Variants in NRXN3 observed in about 807,000 individuals in gnomAD.
NRXN3 encodes the protein neurexin III.
A neutral mutation model predicts 137.6 loss-of-function variants in NRXN3; 32 were observed. The ratio of observed to expected loss-of-function variants is 0.23; its 90% CI spans 0.18 to 0.31. NRXN3 has a LOEUF of 0.31. Ranked by LOEUF, NRXN3 falls within the 10% of genes least tolerant of loss-of-function variation. NRXN3 has a pLI of 1.00. For missense variants in NRXN3, 1,574 were observed against 2,062.5 expected (o/e 0.76, Z 4.59); for synonymous variants, 798 against 784.5 (o/e 1.02, Z -0.29).
intron 4 of NRXN3, among the ~76,000 whole-genome samples, chr14:78,445,658 A>C (rs1195359851): frequency 6.6e-6 from 1 of 152,224 alleles, no homozygotes; most frequent in Non-Finnish European, 1.5e-5. Context: ...CAAGTCCCTC[A>C]ACAGACTGTG....
intron 8 of NRXN3, among the ~76,000 whole-genome samples, chr14:78,719,817 G>A (rs2098451367): frequency 6.6e-6 from 1 of 152,104 alleles, no homozygotes; most frequent in Admixed American, 6.5e-5. Context: ...ACTCCAGCCT[G>A]GGTGACAGAG....
At chr14:78,441,845 C>T (rs1961524402) in intron 4 of NRXN3, among the ~76,000 whole-genome samples, 1 of 152,000 alleles carries the variant, frequency 6.6e-6, no homozygotes, top group South Asian at 2.1e-4. Flanking sequence ...ACCTGTAATC[C>T]CAGCACTTTG....
rs148250499 is a variant in NRXN3 at position 78,665,440 on chromosome 14, A to G, written c.1221+14114A>G. Among the ~76,000 whole-genome samples, 142 of 152,326 alleles carry G rather than the reference A, an allele frequency of 9.3e-4. 1 individual carries two copies. The highest frequency in any genetic ancestry group is 3.2e-3 in the African/African-American group (135 of 41,562). On this transcript the variant is annotated intron_variant, in intron 6 of 20. Transcript: ENST00000335750. ...ATCTTGTGAGAACTTACTTAGTATC[A>G]TGAGAACAGCATAAGGGTAACCACC...
chr14:79,156,994 C>T (rs758659984), intron 15 of NRXN3, among the ~76,000 whole-genome samples: 2 of 151,750 alleles, frequency 1.3e-5, no homozygotes, highest in Non-Finnish European at 2.9e-5. Flanking sequence ...TATTTCCAGA[C>T]TTTGTAACAT....
intron 19 of NRXN3, among the ~76,000 whole-genome samples, chr14:79,766,033 A>G (rs1286237148): frequency 6.6e-6 from 1 of 152,228 alleles, no homozygotes; most frequent in Non-Finnish European, 1.5e-5. Flanking sequence ...ATTTTTTAAC[A>G]TATAGCATAC....
At chr14:78,317,307 G>T (rs372360116) in intron 4 of NRXN3, among the ~76,000 whole-genome samples, 3 of 152,178 alleles carry the variant, frequency 2.0e-5, no homozygotes, top group East Asian at 1.9e-4. Flanking sequence ...GAACCAGGCC[G>T]CACAGCAAGA....
intron 6 of NRXN3, among the ~76,000 whole-genome samples, chr14:78,706,893 T>G (rs1005867605): frequency 3.3e-5 from 5 of 152,206 alleles, no homozygotes; most frequent in African/African-American, 1.2e-4. Flanking sequence ...AGATGGGAAC[T>G]AATTCTACAT....
At chr14:79,661,341 A>G (rs909514724) in intron 16 of NRXN3, among the ~76,000 whole-genome samples, 1 of 152,112 alleles carries the variant, frequency 6.6e-6, no homozygotes, top group Non-Finnish European at 1.5e-5. Flanking sequence ...ACTGAGGTCC[A>G]CCCTGTATCT....
intron 15 of NRXN3, among the ~76,000 whole-genome samples, chr14:79,358,662 A>AAAGAAAGAAAGAAAGT: frequency 6.6e-6 from 1 of 150,716 alleles, no homozygotes; most frequent in East Asian, 2.0e-4. Context: ...AGAAAGAAAG[A>AAAGAAAGAAAGAAAGT]AAGAAAGTGT....
chr14:79,567,638 T>C (rs998591784), intron 16 of NRXN3, among the ~76,000 whole-genome samples: 2 of 152,172 alleles, frequency 1.3e-5, no homozygotes, highest in African/African-American at 4.8e-5. Flanking sequence ...GATTCCTCCT[T>C]CTACGTTCGG....
At chr14:78,303,754 C>G (rs2153534187) in intron 4 of NRXN3, among the ~76,000 whole-genome samples, 1 of 152,244 alleles carries the variant, frequency 6.6e-6, no homozygotes, top group Non-Finnish European at 1.5e-5. Flanking sequence ...ACATGCTTCT[C>G]CCTCTTATCC....
At chr14:78,510,836 A>G (rs1269462253) in intron 4 of NRXN3, among the ~76,000 whole-genome samples, 1 of 152,200 alleles carries the variant, frequency 6.6e-6, no homozygotes, top group Non-Finnish European at 1.5e-5. Flanking sequence ...CTCATTGCTA[A>G]CACTGATATT....
chr14:79,010,323 C>A, intron 15 of NRXN3, among the ~76,000 whole-genome samples: 1 of 152,034 alleles, frequency 6.6e-6, no homozygotes, highest in Admixed American at 6.6e-5. Flanking sequence ...GGGTTTTGTG[C>A]CATAAACCAA....
chr14:78,399,507 C>T (rs1290611482), intron 4 of NRXN3, among the ~76,000 whole-genome samples: 1 of 152,172 alleles, frequency 6.6e-6, no homozygotes, highest in East Asian at 1.9e-4. Flanking sequence ...GTCCAGGGTG[C>T]TGGACTCTCC....
At chr14:78,652,832 T>A (rs1315107136) in intron 6 of NRXN3, among the ~76,000 whole-genome samples, 1 of 152,236 alleles carries the variant, frequency 6.6e-6, no homozygotes, top group Non-Finnish European at 1.5e-5. Flanking sequence ...GTGGCTCTTT[T>A]TAAGCCATGA....
At position 79,073,857 on chromosome 14, in the gene NRXN3, A is replaced by G. The variant is rs137874205; in HGVS notation, c.3262+85716A>G. On this transcript the variant is annotated intron_variant, in intron 15 of 20. Coordinates refer to ENST00000335750, the MANE Select transcript of NRXN3 (RefSeq NM_001330195.2). ...GCCAGACTGCCTGTGCTCAAATTGC[A>G]GCTCTGCTACTTACTGGCTGAGTGA... is the stretch of plus-strand genomic sequence containing the variant. Among the ~76,000 whole-genome samples, 193 of 152,260 alleles carry G rather than the reference A, an allele frequency of 1.3e-3. 4 individuals carry two copies. The East Asian group carries it at 0.031, about 25-fold the overall frequency.
chr14:79,389,777 A>C (rs914569662), intron 15 of NRXN3, among the ~76,000 whole-genome samples: 2 of 152,168 alleles, frequency 1.3e-5, no homozygotes, highest in Admixed American at 6.5e-5. Context: ...ATGCTGAATT[A>C]ATGAAAGGTC....
chr14:78,926,327 A>G (rs2099290649), intron 10 of NRXN3, among the ~76,000 whole-genome samples: 1 of 152,064 alleles, frequency 6.6e-6, no homozygotes, highest in Admixed American at 6.6e-5. Context: ...TCCTGTAATG[A>G]AAGTTATGTG....
chr14:79,202,834 A>G (rs1243188502), intron 15 of NRXN3, among the ~76,000 whole-genome samples: 1 of 152,124 alleles, frequency 6.6e-6, no homozygotes, highest in Non-Finnish European at 1.5e-5. Context: ...TTGTACTGCT[A>G]TAAACATGTG....
Sources: gnomAD v4.1 joint callset for allele counts (sites outside exome capture counted in the v4.1 genomes callset) on GRCh38, gnomAD v4.1.1 for gene constraint, MANE v1.5 for transcripts, NCBI Gene and HGNC (gene_info 2026-07-23, HGNC 2026-07-21) for gene names.